GLRA3: variants seen among roughly 807,000 people sequenced by gnomAD.
The protein encoded by GLRA3 is glycine receptor alpha 3, also known as glycine receptor subunit alpha-3.
GLRA3 carries 44 observed loss-of-function variants against 60.4 expected under a neutral mutation model. The observed-to-expected ratio is 0.73, with a 90% confidence interval of 0.57 to 0.94. GLRA3 has a LOEUF of 0.94. Ranked by LOEUF, GLRA3 falls within the 40% of genes least tolerant of loss-of-function variation. GLRA3 has a pLI of 0.00. For missense variants in GLRA3, 508 were observed against 564.6 expected, an observed-to-expected ratio of 0.90 and a Z score of 1.02; for synonymous variants, 223 against 192.9, an observed-to-expected ratio of 1.16 and a Z score of -1.29.
At chr4:174,779,579 A>T (rs888818538) in intron 2 of GLRA3, among the ~76,000 whole-genome samples, 1 of 152,178 alleles carries the variant, frequency 6.6e-6, no homozygotes, top group African/African-American at 2.4e-5. Context: ...AATTTAGAAG[A>T]ATGTATAACT....
rs908416027 is a variant in GLRA3 at position 174,828,985 on chromosome 4, T to G, written c.-174A>C. ...CAGTATGCGGACCCCTTCTCAGCATTGAGCAGAAGTGGAGAGTCACAGTGT... is the reference window on the plus strand; with the variant it reads ...CAGTATGCGGACCCCTTCTCAGCATGGAGCAGAAGTGGAGAGTCACAGTGT... On this transcript the variant is annotated 5_prime_UTR_variant, in exon 1 of 10. Coordinates refer to ENST00000274093, the MANE Select transcript of GLRA3 (RefSeq NM_006529.4). 12 of 595,380 alleles carry G rather than the reference T, an allele frequency of 2.0e-5. No homozygotes were observed. The East Asian group carries it at 2.5e-4, about 13-fold the overall frequency. 36.9% of individuals were successfully genotyped at this position (595,380 alleles called of 1,614,324 possible). A position where few individuals can be genotyped will look rare whatever the true frequency, so the allele number is the denominator to read the frequency against.
At chr4:174,728,771 T>C in intron 3 of GLRA3, 73 bp from the exon 4 acceptor site, 1 of 927,488 alleles carries the variant, frequency 1.1e-6, no homozygotes. Context: ...AGTGTCAGTG[T>C]GGTGCCAAGG....
At chr4:174,765,023 A>G (rs540632698) in intron 3 of GLRA3, among the ~76,000 whole-genome samples, 2 of 152,168 alleles carry the variant, frequency 1.3e-5, no homozygotes, top group South Asian at 4.1e-4. Flanking sequence ...GACTGTGAAG[A>G]AGTGAGTGAT....
Position 174,767,048 on chromosome 4 carries a change from A to G in GLRA3, c.200-18T>C. On this transcript the variant is annotated intron_variant, in intron 2 of 9. Transcript: ENST00000274093. ...TGGAGGGCCTGAAAAAGAGATGAAAACATAAGGGCTGTTTAGAGACTTATC... is the reference window on the plus strand; with the variant it reads ...TGGAGGGCCTGAAAAAGAGATGAAAGCATAAGGGCTGTTTAGAGACTTATC... 1 of 1,426,826 alleles carries G rather than the reference A, an allele frequency of 7.0e-7. No homozygotes were observed. The highest frequency in any genetic ancestry group is 9.9e-7 in the Non-Finnish European group (1 of 1,012,034). 88.4% of individuals were successfully genotyped at this position (1,426,826 alleles called of 1,614,324 possible).
rs995877771 is a variant in GLRA3 at position 174,704,949 on chromosome 4, G to C, written c.574+10539C>G. ...CAGTGGCAAGAGGAAGGGGGAAATG[G>C]AGAGTTGTTTAATGAATGTAGAGTT... On this transcript the variant is annotated intron_variant, in intron 5 of 9. Transcript: ENST00000274093. Among the ~76,000 whole-genome samples the C allele has an allele frequency of 1.4e-5, 2 of 143,072 alleles. 1 individual carries two copies. The highest frequency in any genetic ancestry group is 3.1e-5 in the Non-Finnish European group (2 of 64,510). 93.9% of individuals were successfully genotyped at this position (143,072 alleles called of 152,430 possible).
At chr4:174,664,780 C>T (rs1426598574) in intron 7 of GLRA3, among the ~76,000 whole-genome samples, 3 of 152,134 alleles carry the variant, frequency 2.0e-5, no homozygotes, top group Non-Finnish European at 4.4e-5. Flanking sequence ...TAAAGCCCTT[C>T]AAAATTAGCC....
chr4:174,784,934 A>G (rs1182307669), intron 2 of GLRA3, among the ~76,000 whole-genome samples: 2 of 152,152 alleles, frequency 1.3e-5, no homozygotes, highest in Non-Finnish European at 2.9e-5. Flanking sequence ...GGAGGGGAAG[A>G]GAACAGATTA....
chr4:174,728,689 C>A lies in GLRA3; in HGVS notation c.277G>T (p.Val93Leu). ...SIAETTMDYRVNIFLRQKWND... is the reference protein window; with the variant it reads ...SIAETTMDYRLNIFLRQKWND... ...CATTTCTGACGAAGAAAGATATTCA[C>A]TCTGTAATCCTATGATAAAATAATG... The change falls in exon 4 of 10, where the codon GTG (valine) becomes TTG (leucine). Residue 93 changes from valine (V) to leucine (L), a missense_variant. Transcript: ENST00000274093. The A allele has an allele frequency of 6.5e-7, 1 of 1,544,826 alleles. No individual in the cohort carries two copies. Among genetic ancestry groups the A allele is most frequent in the Non-Finnish European group, 8.8e-7 (1 of 1,131,390 alleles).
intron 3 of GLRA3, among the ~76,000 whole-genome samples, chr4:174,744,609 C>T (rs973449390): frequency 6.6e-6 from 1 of 152,142 alleles, no homozygotes; most frequent in African/African-American, 2.4e-5. Context: ...GAATCAAAGC[C>T]AAAGGGTTCT....
In GLRA3 at chr4:174,800,601, A is replaced by AC. The variant is rs113229816; in HGVS notation, c.72-11659dup. Among the ~76,000 whole-genome samples the AC allele has an allele frequency of 2.7e-3, 390 of 146,244 alleles. 1 individual carries two copies. Among genetic ancestry groups the AC allele is most frequent in the East Asian group, 0.016 (82 of 4,994 alleles). ...CTTTTATTTGTATTGTTAAAACCAA[A>AC]CCCCCCCCGCCAAAAAAACTTTCTT... On this transcript the variant is annotated intron_variant, in intron 1 of 9. Coordinates refer to ENST00000274093, the MANE Select transcript of GLRA3 (RefSeq NM_006529.4).
chr4:174,647,014 G>A (rs1367307457), intron 9 of GLRA3, among the ~76,000 whole-genome samples: 5 of 152,200 alleles, frequency 3.3e-5, no homozygotes, highest in East Asian at 1.9e-4. Flanking sequence ...AACATGGATC[G>A]CACAGGTTTA....
Position 174,644,011 on chromosome 4 carries a change from T to C in GLRA3, c.1170A>G (p.Pro390=). 6.2e-7 allele frequency: 1 copy of C among 1,613,934 alleles called. No homozygotes were observed. The highest frequency in any genetic ancestry group is 1.1e-5 in the South Asian group (1 of 91,068). ...TCATGCCATCCTTTGCTTGTAGACA[T>C]GGTCCCATTCCATAGGCTGTGAAGC... ...RFSFTAYGMG[P]CLQAKDGMTP... Residue 390 remains proline (P), a synonymous_variant, in exon 10 of 10, where the codon CCA becomes CCG. Transcript: ENST00000274093.
intron 2 of GLRA3, among the ~76,000 whole-genome samples, chr4:174,769,621 G>A (rs1032129278): frequency 6.6e-6 from 1 of 152,020 alleles, no homozygotes; most frequent in African/African-American, 2.4e-5. Flanking sequence ...CAAAGCAATC[G>A]TTCTATGACC....
chr4:174,804,634 C>T (rs1254304061), intron 1 of GLRA3, among the ~76,000 whole-genome samples: 1 of 152,118 alleles, frequency 6.6e-6, no homozygotes, highest in Admixed American at 6.6e-5. Context: ...TTTGTTGTCC[C>T]ATGTCCACAG....
intron 7 of GLRA3, among the ~76,000 whole-genome samples, chr4:174,664,846 T>C (rs1227639035): frequency 6.6e-6 from 1 of 152,234 alleles, no homozygotes; most frequent in East Asian, 1.9e-4. Context: ...ATTTTTGTTT[T>C]TTATTCAACA....
intron 1 of GLRA3, among the ~76,000 whole-genome samples, chr4:174,793,386 A>C (rs1417231644): frequency 6.6e-6 from 1 of 151,844 alleles, no homozygotes; most frequent in African/African-American, 2.4e-5. Context: ...CTTTCAAAAA[A>C]ATACCTGTTT....
chr4:174,701,416 C>A (rs1306486100), intron 5 of GLRA3, among the ~76,000 whole-genome samples: 1 of 152,074 alleles, frequency 6.6e-6, no homozygotes, highest in Non-Finnish European at 1.5e-5. Flanking sequence ...GCCAATTAAC[C>A]CAGTCAACCA....
chr4:174,657,312 A>G (rs988581505), intron 8 of GLRA3, among the ~76,000 whole-genome samples: 1 of 152,174 alleles, frequency 6.6e-6, no homozygotes, highest in African/African-American at 2.4e-5. Flanking sequence ...TGGATGTAGG[A>G]TATGTCTGAG....
chr4:174,817,882 C>G (rs990312112), intron 1 of GLRA3, among the ~76,000 whole-genome samples: 1 of 152,120 alleles, frequency 6.6e-6, no homozygotes, highest in African/African-American at 2.4e-5. Context: ...GCTGGGATTA[C>G]AGGTGTGAGC....
Sources: gnomAD v4.1 joint callset for allele counts (sites outside exome capture counted in the v4.1 genomes callset) on GRCh38, gnomAD v4.1.1 for gene constraint, MANE v1.5 for transcripts, NCBI Gene and HGNC (gene_info 2026-07-23, HGNC 2026-07-21) for gene names.